APP: variants seen among roughly 807,000 people sequenced by gnomAD.
APP encodes amyloid-beta precursor protein.
APP carries 31 observed loss-of-function variants against 101.4 expected under a neutral mutation model. The ratio of observed to expected loss-of-function variants is 0.31; its 90% CI spans 0.23 to 0.41. APP has a LOEUF of 0.41. Among genes scored for constraint, APP ranks in the 10% least tolerant of loss-of-function variants. The probability of loss-of-function intolerance (pLI) is 1.00; values close to 1 mark genes in which losing one functional copy is unlikely to be tolerated. For synonymous variants in APP, 366 were observed against 364.4 expected (o/e 1.00, Z -0.05); for missense variants, 839 against 1,003.7 (o/e 0.84, Z 2.22).
At chr21:25,996,854 G>A (rs567099308) in intron 8 of APP, among the ~76,000 whole-genome samples, 1 of 152,274 alleles carries the variant, frequency 6.6e-6, no homozygotes, top group African/African-American at 2.4e-5. Context: ...TGCATTCCAA[G>A]CTCCCCTTTT....
intron 1 of APP, among the ~76,000 whole-genome samples, chr21:26,156,116 T>C (rs2063370859): frequency 6.6e-6 from 1 of 152,172 alleles, no homozygotes; most frequent in South Asian, 2.1e-4. Flanking sequence ...CAGGCACTTG[T>C]GGCCTTTTTG....
chr21:26,159,385 T>C (rs1250701867), intron 1 of APP, among the ~76,000 whole-genome samples: 1 of 152,148 alleles, frequency 6.6e-6, no homozygotes, highest in Non-Finnish European at 1.5e-5. Flanking sequence ...GGCCATAAAT[T>C]AGTAATTTTT....
intron 3 of APP, 112 bp from the exon 4 acceptor site, chr21:26,053,460 C>G: frequency 1.3e-6 from 1 of 778,946 alleles, no homozygotes; most frequent in Non-Finnish European, 2.3e-6. Flanking sequence ...CCTTTTAATG[C>G]CTAAGCAACC....
At chr21:26,134,843 A>G (rs1017617195) in intron 1 of APP, among the ~76,000 whole-genome samples, 3 of 152,212 alleles carry the variant, frequency 2.0e-5, no homozygotes, top group African/African-American at 7.2e-5. Context: ...AAATGTCAGG[A>G]AACATATACA....
intron 5 of APP, among the ~76,000 whole-genome samples, chr21:26,043,061 ATACT>A (rs139256716): frequency 0.019 from 2,935 of 152,216 alleles, 78 homozygotes; most frequent in African/African-American, 0.067. Context: ...GAAATATTTC[ATACT>A]TCATCTTTTC....
intron 13 of APP, among the ~76,000 whole-genome samples, chr21:25,946,515 A>G (rs1057066484): frequency 2.6e-4 from 40 of 152,030 alleles, no homozygotes; most frequent in Admixed American, 1.8e-3. Context: ...AAAATACAAA[A>G]ATTAGCTGGA....
chr21:25,882,377 AAAGG>A (rs2037048950), intron 17 of APP, among the ~76,000 whole-genome samples: 2 of 148,666 alleles, frequency 1.3e-5, no homozygotes, highest in South Asian at 2.2e-4. Flanking sequence ...GCACAAGAAA[AAAGG>A]AAGAGCAAGG....
intron 1 of APP, among the ~76,000 whole-genome samples, chr21:26,166,910 G>C (rs1255676508): frequency 7.7e-6 from 1 of 130,280 alleles, no homozygotes; most frequent in Non-Finnish European, 1.6e-5. Context: ...GAGAGAAAGA[G>C]AGAGAAAGAG....
chr21:25,906,909 A>G (rs2038822407), intron 14 of APP, among the ~76,000 whole-genome samples: 2 of 152,232 alleles, frequency 1.3e-5, no homozygotes, highest in African/African-American at 2.4e-5. Context: ...AACTCGGGGC[A>G]GTAAGTTAAG....
intron 16 of APP, 100 bp downstream of exon 16, chr21:25,897,473 A>T: frequency 1.0e-6 from 1 of 957,624 alleles, no homozygotes; most frequent in Non-Finnish European, 1.7e-6. Flanking sequence ...TTGTATTTTT[A>T]TCTTTTCCTT....
intron 13 of APP, among the ~76,000 whole-genome samples, chr21:25,930,612 A>G (rs948745469): frequency 1.3e-4 from 20 of 152,228 alleles, no homozygotes; most frequent in Admixed American, 1.0e-3. Flanking sequence ...ATGTAAAATC[A>G]CAACACAGGA....
At chr21:25,887,259 G>A (rs767721667) in intron 17 of APP, among the ~76,000 whole-genome samples, 7 of 152,270 alleles carry the variant, frequency 4.6e-5, no homozygotes, top group South Asian at 4.2e-4. Context: ...CCTGGGATTA[G>A]TGGGCTTTGC....
At chr21:26,153,286 T>C (rs1353937679) in intron 1 of APP, among the ~76,000 whole-genome samples, 1 of 152,164 alleles carries the variant, frequency 6.6e-6, no homozygotes, top group African/African-American at 2.4e-5. Flanking sequence ...CCCCAAAAGC[T>C]ACTGAAATAA....
chr21:26,088,445 A>G (rs2061747697), intron 3 of APP, among the ~76,000 whole-genome samples: 1 of 152,248 alleles, frequency 6.6e-6, no homozygotes, highest in African/African-American at 2.4e-5. Flanking sequence ...CAGTGAGCTT[A>G]CATTCTAATG....
At chr21:25,940,002 C>T (rs548787320) in intron 13 of APP, among the ~76,000 whole-genome samples, 16 of 152,198 alleles carry the variant, frequency 1.1e-4, no homozygotes, top group Non-Finnish European at 1.9e-4. Flanking sequence ...AAGAAGAAAG[C>T]GGAGAATGTC....
chr21:26,111,323 C>T (rs1207827202), intron 2 of APP, among the ~76,000 whole-genome samples: 1 of 151,990 alleles, frequency 6.6e-6, no homozygotes, highest in African/African-American at 2.4e-5. Context: ...TAATAGAATA[C>T]AAACAGATAC....
At chr21:26,170,880 C>A, upstream of APP, 1 of 386,076 alleles carries the variant, frequency 2.6e-6, no homozygotes, top group Non-Finnish European at 4.6e-6. Context: ...GAACTGCGCC[C>A]GCTCGCGCCG....
chr21:26,000,789 T>C (rs1244319873), intron 6 of APP, among the ~76,000 whole-genome samples: 1 of 152,030 alleles, frequency 6.6e-6, no homozygotes, highest in East Asian at 1.9e-4. Context: ...TATTAAGATA[T>C]GTACTAATAT....
intron 5 of APP, among the ~76,000 whole-genome samples, chr21:26,038,797 G>A (rs1388605699): frequency 6.6e-6 from 1 of 152,020 alleles, no homozygotes; most frequent in Non-Finnish European, 1.5e-5. Context: ...CTGCTGGCCT[G>A]CTCCCCCAAC....
Sources: gnomAD v4.1 joint callset for allele counts (sites outside exome capture counted in the v4.1 genomes callset) on GRCh38, gnomAD v4.1.1 for gene constraint, MANE v1.5 for transcripts, NCBI Gene and HGNC (gene_info 2026-07-23, HGNC 2026-07-21) for gene names.